GRID2: variants seen among roughly 807,000 people sequenced by gnomAD.
GRID2 encodes the protein glutamate receptor ionotropic, delta-2.
Under a neutral mutation model 114.8 loss-of-function variants are expected in GRID2, and 33 were observed. The observed-to-expected ratio is 0.29, with a 90% confidence interval of 0.22 to 0.38. The LOEUF (loss-of-function observed/expected upper bound fraction) is 0.38. Among genes scored for constraint, GRID2 ranks in the 10% least tolerant of loss-of-function variants. The pLI is 1.00. For missense variants in GRID2, 1,184 were observed against 1,257.7 expected (o/e 0.94, Z 0.89); for synonymous variants, 505 against 449.9 (o/e 1.12, Z -1.55).
At chr4:93,365,722 T>G (rs932465241) in intron 8 of GRID2, among the ~76,000 whole-genome samples, 1 of 152,258 alleles carries the variant, frequency 6.6e-6, no homozygotes, top group South Asian at 2.1e-4. Flanking sequence ...GCTTGCTGCT[T>G]ACTTGGCCAT....
At chr4:92,915,556 C>A (rs990289302) in intron 2 of GRID2, among the ~76,000 whole-genome samples, 1 of 152,038 alleles carries the variant, frequency 6.6e-6, no homozygotes, top group African/African-American at 2.4e-5. Context: ...GAACACAAAG[C>A]CTAACCATAT....
At chr4:93,549,402 A>C (rs887564670) in intron 13 of GRID2, among the ~76,000 whole-genome samples, 3 of 152,204 alleles carry the variant, frequency 2.0e-5, no homozygotes, top group African/African-American at 7.2e-5. Flanking sequence ...AAAAAACAGA[A>C]TCACCTATTG....
intron 1 of GRID2, among the ~76,000 whole-genome samples, chr4:92,508,192 A>C (rs28527416): frequency 0.23 from 35,427 of 151,794 alleles, 4,497 homozygotes; most frequent in Non-Finnish European, 0.29. Context: ...AGGAATTCAG[A>C]AACAGTTGTT....
chr4:92,818,084 A>G (rs1741024469), intron 2 of GRID2, among the ~76,000 whole-genome samples: 1 of 152,120 alleles, frequency 6.6e-6, no homozygotes, highest in Non-Finnish European at 1.5e-5. Flanking sequence ...GTTGTCTTTT[A>G]TGTTATCACT....
intron 2 of GRID2, among the ~76,000 whole-genome samples, chr4:93,026,539 A>AT (rs907864414): frequency 1.5e-4 from 23 of 151,626 alleles, no homozygotes; most frequent in Admixed American, 4.6e-4. Flanking sequence ...AATCAGTTCC[A>AT]TTTTTTTTCT....
At chr4:92,804,308 AGGAT>A (rs1488493374) in intron 2 of GRID2, among the ~76,000 whole-genome samples, 1 of 152,026 alleles carries the variant, frequency 6.6e-6, no homozygotes, top group African/African-American at 2.4e-5. Flanking sequence ...AACATTTCAA[AGGAT>A]GGATATAATT....
At chr4:93,500,711 C>T (rs1488874240) in intron 12 of GRID2, among the ~76,000 whole-genome samples, 1 of 152,016 alleles carries the variant, frequency 6.6e-6, no homozygotes, top group Non-Finnish European at 1.5e-5. Flanking sequence ...AAGAATGATT[C>T]ACTCTGTTAT....
At chr4:93,450,615 C>T (rs17020614) in intron 10 of GRID2, among the ~76,000 whole-genome samples, 35,027 of 151,530 alleles carry the variant, frequency 0.23, 4,371 homozygotes, top group East Asian at 0.52. Flanking sequence ...GCTTATTAGT[C>T]ATGCTCCATT....
At chr4:92,676,156 G>GGCCCCC (rs1733349334) in intron 2 of GRID2, among the ~76,000 whole-genome samples, 3 of 25,066 alleles carry the variant, frequency 1.2e-4, no homozygotes, top group Non-Finnish European at 1.6e-4. Flanking sequence ...GTCGTGTCAA[G>GGCCCCC]CCCCCCCCCC....
rs576560700 is a variant in GRID2, at chr4:93,463,873, C to T, written c.1858+7899C>T. 2.0e-5 allele frequency among the ~76,000 whole-genome samples: 3 copies of T among 152,168 alleles called. No homozygotes were observed. The South Asian group carries it at 6.2e-4, about 32-fold the overall frequency. On this transcript the variant is annotated intron_variant, in intron 11 of 15. Coordinates refer to ENST00000282020, the MANE Select transcript of GRID2 (RefSeq NM_001510.4). Reference sequence around the variant, plus strand: ...GCGTGGTGGCGGGCACCTGTAGTCCCAGCTACTCGGGAGGCTGAGGCAGGA... The same window carrying T: ...GCGTGGTGGCGGGCACCTGTAGTCCTAGCTACTCGGGAGGCTGAGGCAGGA...
At chr4:93,222,890 C>T (rs1333977035) in intron 6 of GRID2, among the ~76,000 whole-genome samples, 1 of 151,990 alleles carries the variant, frequency 6.6e-6, no homozygotes, top group Admixed American at 6.6e-5. Context: ...GCACTACTCA[C>T]AATAGCAAAG....
chr4:92,827,609 G>A lies in GRID2; in HGVS notation c.244+237323G>A, dbSNP rs542665284. On this transcript the variant is annotated intron_variant, in intron 2 of 15. Coordinates refer to ENST00000282020, the MANE Select transcript of GRID2 (RefSeq NM_001510.4). ...ATCTTAAATATGATTTTTTTCTCCA[G>A]CCAAGACACCAATATTTCAGAGAAG... is the stretch of plus-strand genomic sequence containing the variant. Among the ~76,000 whole-genome samples, 37 of 151,834 alleles carry A rather than the reference G, an allele frequency of 2.4e-4. No homozygotes were observed. The South Asian group carries it at 6.6e-3, about 27-fold the overall frequency.
At position 92,541,929 on chromosome 4, in the gene GRID2, A is replaced by G. The variant is rs949329626; in HGVS notation, c.89-48202A>G. On this transcript the variant is annotated intron_variant, in intron 1 of 15. Coordinates refer to ENST00000282020, the MANE Select transcript of GRID2 (RefSeq NM_001510.4). Reference sequence around the variant, plus strand: ...AAAAGAAGAGGAAGATTTCTAAAATATATTTTTCCTCAAAATTATGATTTT... The same window carrying G: ...AAAAGAAGAGGAAGATTTCTAAAATGTATTTTTCCTCAAAATTATGATTTT... Among the ~76,000 whole-genome samples the G allele has an allele frequency of 3.3e-5, 5 of 152,110 alleles. No homozygotes were observed. The East Asian group carries it at 9.6e-4, about 29-fold the overall frequency.
At chr4:92,338,408 G>A (rs772439358) in intron 1 of GRID2, among the ~76,000 whole-genome samples, 1 of 151,982 alleles carries the variant, frequency 6.6e-6, no homozygotes, top group South Asian at 2.1e-4. Context: ...TACTTTTAAA[G>A]GTCTAAATAT....
rs764144737 is a variant in GRID2 at position 93,772,344 on chromosome 4, T to C, written c.2870T>C (p.Val957Ala). Residue 957 changes from valine to alanine, a missense_variant, in exon 16 of 16, where the codon GTG becomes GCG. Transcript: ENST00000282020. Reference protein sequence around the residue: ...KAASGFTFGNVPEHRTGPFRH... With the variant: ...KAASGFTFGNAPEHRTGPFRH... ...GCTTCTGGTTTCACTTTTGGCAACG[T>C]GCCTGAGCACCGAACTGGCCCTTTT... 1 of 1,614,122 alleles carries C rather than the reference T, an allele frequency of 6.2e-7. No individual in the cohort carries two copies. Among genetic ancestry groups the C allele is most frequent in the Admixed American group, 1.7e-5 (1 of 59,998 alleles).
chr4:92,612,248 CTT>C (rs1729791034), intron 2 of GRID2, among the ~76,000 whole-genome samples: 1 of 151,406 alleles, frequency 6.6e-6, no homozygotes, highest in South Asian at 2.1e-4. Context: ...TATTTTGGCA[CTT>C]TTGTTGATAG....
chr4:93,293,244 G>C (rs1753934518), intron 8 of GRID2, among the ~76,000 whole-genome samples: 1 of 152,114 alleles, frequency 6.6e-6, no homozygotes, highest in African/African-American at 2.4e-5. Flanking sequence ...CTACTGTGCT[G>C]GTGTTCTCCA....
intron 2 of GRID2, among the ~76,000 whole-genome samples, chr4:92,990,116 A>AT (rs1259930992): frequency 1.3e-5 from 2 of 150,908 alleles, no homozygotes; most frequent in African/African-American, 2.4e-5. Context: ...AAGTTCTTTA[A>AT]TTTTTTATGT....
At chr4:93,106,672 G>C (rs1378651115) in intron 3 of GRID2, among the ~76,000 whole-genome samples, 1 of 152,144 alleles carries the variant, frequency 6.6e-6, no homozygotes, top group African/African-American at 2.4e-5. Flanking sequence ...AAAGAGCATG[G>C]CTCTGAATCT....
Sources: allele counts gnomAD v4.1 joint callset (sites outside exome capture counted in the v4.1 genomes callset), GRCh38; gene constraint gnomAD v4.1.1; transcripts MANE v1.5; gene names NCBI Gene and HGNC (gene_info 2026-07-23, HGNC 2026-07-21).